Variants in DPEP1 observed in about 807,000 individuals in gnomAD.
DPEP1 encodes the protein beta-lactamase.
Under a neutral mutation model 42.3 loss-of-function variants are expected in DPEP1, and 50 were observed. That is an observed-to-expected ratio of 1.18 (90% confidence interval 0.94 to 1.50). The LOEUF (loss-of-function observed/expected upper bound fraction) is 1.50, where lower values mean the gene tolerates loss of function less well. DPEP1 is among the 40% of genes most tolerant of loss of function. The probability of loss-of-function intolerance (pLI) is 0.00; values close to 1 mark genes in which losing one functional copy is unlikely to be tolerated. For synonymous variants in DPEP1, 297 were observed against 234.0 expected (o/e 1.27, Z -2.46); for missense variants, 663 against 553.0 (o/e 1.20, Z -1.99).
intron 1 of DPEP1, among the ~76,000 whole-genome samples, chr16:89,627,041 C>T (rs143881835): frequency 0.011 from 1,617 of 145,128 alleles, 27 homozygotes; most frequent in African/African-American, 0.039. Context: ...GCGGGCGGAT[C>T]ACGAGGTCAG....
chr16:89,618,291 A>C (rs917885674), intron 1 of DPEP1, among the ~76,000 whole-genome samples: 2 of 152,134 alleles, frequency 1.3e-5, no homozygotes, highest in African/African-American at 4.8e-5. Flanking sequence ...ATCACGGCTC[A>C]CTGTAGCTTA....
intron 1 of DPEP1, among the ~76,000 whole-genome samples, chr16:89,616,004 C>T (rs2059376548): frequency 6.6e-6 from 1 of 151,838 alleles, no homozygotes; most frequent in African/African-American, 2.4e-5. Context: ...ACCTGGGAGG[C>T]AGAGGTTTCA....
At chr16:89,641,191 A>G (rs2059739977), downstream of DPEP1, among the ~76,000 whole-genome samples, 1 of 150,322 alleles carries the variant, frequency 6.7e-6, no homozygotes, top group Non-Finnish European at 1.5e-5. Context: ...ACAGCATCAC[A>G]GGGAGACGGT....
Position 89,637,858 on chromosome 16 carries a change from G to T in DPEP1, c.952G>T (p.Val318Phe). The change falls in exon 10 of 11, where the codon GTC becomes TTC. Residue 318 changes from valine (V) to phenylalanine (F), a missense_variant. Coordinates refer to ENST00000690203, the MANE Select transcript of DPEP1 (RefSeq NM_001389466.1). ...CAGGGTCCCTGAGGGGCTGGAGGAC[G>T]TCTCCAAGTATCCAGACCTGATCGC... is the stretch of plus-strand genomic sequence containing the variant. ...VPRVPEGLEDVSKYPDLIAEL... is the reference protein window; with the variant it reads ...VPRVPEGLEDFSKYPDLIAEL... 6.2e-7 allele frequency: 1 copy of T among 1,612,778 alleles called. No homozygotes were observed. Among genetic ancestry groups the T allele is most frequent in the Non-Finnish European group, 8.5e-7 (1 of 1,179,904 alleles).
upstream of DPEP1, chr16:89,613,367 TGAG>T (rs2059349468): frequency 6.6e-6 from 1 of 152,160 alleles, no homozygotes; most frequent in Non-Finnish European, 1.5e-5. Context: ...TCTCAGGAAA[TGAG>T]GAAGCTGCTG....
intron 1 of DPEP1, among the ~76,000 whole-genome samples, chr16:89,627,648 CTTCTTTTTTTTTTTTT>C (rs986006431): frequency 9.1e-6 from 1 of 109,588 alleles, no homozygotes; most frequent in Non-Finnish European, 1.8e-5. Flanking sequence ...TTGGATATTT[CTTCTTTTTTTTTTTTT>C]TTTTTTTTTT....
At chr16:89,631,788 C>T (rs374043826) in intron 2 of DPEP1, among the ~76,000 whole-genome samples, 1 of 152,062 alleles carries the variant, frequency 6.6e-6, no homozygotes, top group Non-Finnish European at 1.5e-5. Flanking sequence ...ACTCGGGAGG[C>T]GGAGGCTAGA....
intron 1 of DPEP1, among the ~76,000 whole-genome samples, chr16:89,622,730 G>A (rs1277289689): frequency 4.0e-5 from 6 of 151,426 alleles, no homozygotes; most frequent in South Asian, 2.1e-4. Flanking sequence ...GTTGCAGTGA[G>A]CCGAGATCGC....
intron 2 of DPEP1, among the ~76,000 whole-genome samples, chr16:89,635,385 C>A (rs552575942): frequency 6.6e-6 from 1 of 152,298 alleles, no homozygotes; most frequent in African/African-American, 2.4e-5. Context: ...CCTGGGTAGC[C>A]CCCAAAGCCT....
chr16:89,636,032 G>T lies in DPEP1; in HGVS notation c.229G>T (p.Gly77Ter). Residue 77 changes from glycine (G) to a stop codon, truncating the protein, a stop_gained, in exon 3 of 11, where the codon GGA becomes TGA. Coordinates refer to ENST00000690203, the MANE Select transcript of DPEP1 (RefSeq NM_001389466.1). LOFTEE classifies it high-confidence loss of function. ...CCCCAAGCTGAGGGCCGGCTTTGTG[G>T]GAGGCCAGGTACCGCCTGCCCTGCC... ...NIPKLRAGFVGGQFWSVYTPC... is the reference protein window; with the variant it reads ...NIPKLRAGFV The T allele has an allele frequency of 6.2e-7, 1 of 1,608,652 alleles. No homozygotes were observed.
At position 89,636,588 on chromosome 16, in the gene DPEP1, C is replaced by G. The variant is rs774538748; in HGVS notation, c.426C>G (p.Gly142=). The G allele has an allele frequency of 2.5e-6, 4 of 1,612,468 alleles. No individual in the cohort carries two copies. The highest frequency in any genetic ancestry group is 4.5e-5 in the East Asian group (2 of 44,870). Residue 142 remains glycine, a synonymous_variant, in exon 5 of 11, where the codon GGC becomes GGG. Coordinates refer to ENST00000690203, the MANE Select transcript of DPEP1 (RefSeq NM_001389466.1). ...TGGCCAGCCTGATCGGCGTGGAGGG[C>G]GGCCACTCCATTGACAGCAGTTTGG... is the stretch of plus-strand genomic sequence containing the variant. ...GKVASLIGVE[G]GHSIDSSLGV... is the part of the protein sequence containing the mutation.
intron 1 of DPEP1, among the ~76,000 whole-genome samples, chr16:89,614,681 G>T (rs1366710779): frequency 6.6e-6 from 1 of 152,216 alleles, no homozygotes; most frequent in East Asian, 1.9e-4. Context: ...TGTAGTCCCA[G>T]CTACTCGGGA....
Position 89,635,921 on chromosome 16 carries a change from C to G in DPEP1, c.118C>G (p.Pro40Ala). ...GGCAAACTCCAGGCACAATGACCTCCCCTGGCAGCTGCTGGATATGTTCAA... is the reference window on the plus strand; with the variant it reads ...GGCAAACTCCAGGCACAATGACCTCGCCTGGCAGCTGCTGGATATGTTCAA... ...SPVIDGHNDL[P>A]WQLLDMFNNR... The change falls in exon 3 of 11, where the codon CCC (proline) becomes GCC (alanine). Residue 40 changes from proline (P) to alanine (A), a missense_variant. Pro to Ala is a conservative substitution (Grantham distance 27). Coordinates refer to ENST00000690203, the MANE Select transcript of DPEP1 (RefSeq NM_001389466.1). 6.2e-7 allele frequency: 1 copy of G among 1,605,854 alleles called. No individual in the cohort carries two copies. Among genetic ancestry groups the G allele is most frequent in the Non-Finnish European group, 8.5e-7 (1 of 1,176,356 alleles).
chr16:89,621,014 A>G (rs2280373), intron 1 of DPEP1, among the ~76,000 whole-genome samples: 9,748 of 151,880 alleles, frequency 0.064, 1,027 homozygotes, highest in East Asian at 0.48. Flanking sequence ...GGGGGGCCTC[A>G]GCTCGTGCCA....
rs762668222 is a variant in DPEP1 at position 89,637,249 on chromosome 16, G to A, written c.637G>A (p.Ala213Thr). 3.3e-5 allele frequency: 53 copies of A among 1,612,706 alleles called. No individual in the cohort carries two copies. Among genetic ancestry groups the A allele is most frequent in the Non-Finnish European group, 4.4e-5 (52 of 1,179,958 alleles). The change falls in exon 7 of 11, where the codon GCT (alanine) becomes ACT (threonine). Residue 213 changes from alanine (A) to threonine (T), a missense_variant. By Grantham distance (58) the Ala-to-Thr change is moderately conservative. Coordinates refer to ENST00000690203, the MANE Select transcript of DPEP1 (RefSeq NM_001389466.1). ...LNRLGVLIDLAHVSVATMKAT... is the reference protein window; with the variant it reads ...LNRLGVLIDLTHVSVATMKAT... ...CCGTCTGGGGGTCCTCATCGACTTG[G>A]CTCACGTGTCTGTGGCCACCATGAA...
rs73263353 is a variant in DPEP1, at chr16:89,615,119, C to T, written c.-107+1400C>T. On this transcript the variant is annotated intron_variant, in intron 1 of 10. Coordinates refer to ENST00000690203, the MANE Select transcript of DPEP1 (RefSeq NM_001389466.1). Reference sequence around the variant, plus strand: ...GTGGAAGTGTCTCTAAAATACCTCCCGCTGGGCCTCAGTCTCCTTGTCGAC... The same window carrying T: ...GTGGAAGTGTCTCTAAAATACCTCCTGCTGGGCCTCAGTCTCCTTGTCGAC... Among the ~76,000 whole-genome samples the T allele has an allele frequency of 4.3e-3, 653 of 152,340 alleles. 7 individuals are homozygous for T. Among genetic ancestry groups the T allele is most frequent in the African/African-American group, 0.015 (625 of 41,572 alleles).
chr16:89,632,319 C>G (rs1242474148), intron 2 of DPEP1, among the ~76,000 whole-genome samples: 1 of 152,204 alleles, frequency 6.6e-6, no homozygotes, highest in African/African-American at 2.4e-5. Flanking sequence ...TCCCACAGTG[C>G]TGGGATTCCA....
intron 2 of DPEP1, among the ~76,000 whole-genome samples, chr16:89,631,285 ACCT>A (rs1007093515): frequency 4.7e-5 from 7 of 149,834 alleles, no homozygotes; most frequent in African/African-American, 1.7e-4. Flanking sequence ...TTCTGTCCTG[ACCT>A]CCTCAGGGCG....
chr16:89,637,748 G>C, intron 9 of DPEP1, 41 bp downstream of exon 9: 1 of 1,612,858 alleles, frequency 6.2e-7, no homozygotes, highest in Non-Finnish European at 8.5e-7. Flanking sequence ...GAGCCGGGAG[G>C]TTCATGGCCT....
Sources: allele counts gnomAD v4.1 joint callset (sites outside exome capture counted in the v4.1 genomes callset), GRCh38; gene constraint gnomAD v4.1.1; transcripts MANE v1.5; gene names NCBI Gene and HGNC (gene_info 2026-07-23, HGNC 2026-07-21).